Variants in CTNNA3 observed in about 807,000 individuals in gnomAD.
CTNNA3 encodes the protein catenin alpha 3.
A neutral mutation model predicts 95.7 loss-of-function variants in CTNNA3; 76 were observed. The ratio of observed to expected loss-of-function variants is 0.79; its 90% CI spans 0.66 to 0.96. The LOEUF (loss-of-function observed/expected upper bound fraction) is 0.96, where lower values mean the gene tolerates loss of function less well. Ranked by LOEUF, CTNNA3 falls within the 40% of genes least tolerant of loss-of-function variation. CTNNA3 has a pLI of 0.00. For synonymous variants in CTNNA3, 431 were observed against 374.4 expected, an observed-to-expected ratio of 1.15 and a Z score of -1.74; for missense variants, 1,191 against 1,089.8, an observed-to-expected ratio of 1.09 and a Z score of -1.31.
chr10:66,163,824 T>C (rs2084978983), intron 13 of CTNNA3, among the ~76,000 whole-genome samples: 1 of 152,324 alleles, frequency 6.6e-6, no homozygotes, highest in Admixed American at 6.5e-5. Context: ...TGTTTTCATA[T>C]GATCTATGGT....
intron 5 of CTNNA3, among the ~76,000 whole-genome samples, chr10:67,471,748 T>C (rs1278456350): frequency 1.3e-5 from 2 of 152,208 alleles, no homozygotes; most frequent in East Asian, 1.9e-4. Flanking sequence ...CATGTACATT[T>C]TGGCCTTAAT....
chr10:67,378,792 C>T, intron 5 of CTNNA3, among the ~76,000 whole-genome samples: 1 of 151,878 alleles, frequency 6.6e-6, no homozygotes, highest in Non-Finnish European at 1.5e-5. Flanking sequence ...GTATATATAC[C>T]ACATTTTTTA....
At chr10:67,053,715 AT>A (rs1467533572) in intron 7 of CTNNA3, among the ~76,000 whole-genome samples, 4 of 152,336 alleles carry the variant, frequency 2.6e-5, no homozygotes, top group African/African-American at 9.6e-5. Context: ...AAATGAAAAA[AT>A]AAATGGTGGT....
chr10:66,758,251 G>A (rs961787063), intron 9 of CTNNA3, among the ~76,000 whole-genome samples: 1 of 152,162 alleles, frequency 6.6e-6, no homozygotes, highest in Non-Finnish European at 1.5e-5. Flanking sequence ...TATAGATAAT[G>A]AAACTGAATT....
chr10:67,433,670 T>C (rs1000434538), intron 5 of CTNNA3, among the ~76,000 whole-genome samples: 2 of 152,050 alleles, frequency 1.3e-5, no homozygotes, highest in African/African-American at 4.8e-5. Context: ...TTAATATGTA[T>C]GAAAATATGT....
intron 7 of CTNNA3, among the ~76,000 whole-genome samples, chr10:67,101,414 A>AT (rs987394049): frequency 1.3e-5 from 2 of 150,460 alleles, no homozygotes; most frequent in African/African-American, 4.9e-5. Flanking sequence ...AAACCATGAA[A>AT]TTTTTTTTAC....
chr10:66,931,920 G>C (rs868646598), intron 7 of CTNNA3, among the ~76,000 whole-genome samples: 6 of 152,142 alleles, frequency 3.9e-5, no homozygotes, highest in African/African-American at 1.4e-4. Context: ...TTTTTCATCA[G>C]CAAGATACAT....
intron 17 of CTNNA3, among the ~76,000 whole-genome samples, chr10:65,956,694 G>C (rs2077738555): frequency 1.3e-5 from 2 of 152,144 alleles, no homozygotes; most frequent in African/African-American, 2.4e-5. Flanking sequence ...GTGGTTGAGT[G>C]GTTTTGAGTG....
At chr10:66,492,758 T>C (rs1362077822) in intron 11 of CTNNA3, among the ~76,000 whole-genome samples, 2 of 152,198 alleles carry the variant, frequency 1.3e-5, no homozygotes, top group Non-Finnish European at 2.9e-5. Context: ...AGGCTTGAAG[T>C]CATTTAAAGC....
chr10:66,899,859 G>A (rs1454296251), intron 7 of CTNNA3, among the ~76,000 whole-genome samples: 1 of 152,070 alleles, frequency 6.6e-6, no homozygotes, highest in Non-Finnish European at 1.5e-5. Context: ...AGCTCAAACT[G>A]AGCGGAGCCC....
intron 9 of CTNNA3, among the ~76,000 whole-genome samples, chr10:66,685,282 T>TGTGTGTATATATACGTATATAG (rs1847229309): frequency 1.9e-5 from 1 of 53,912 alleles, no homozygotes; most frequent in Non-Finnish European, 3.4e-5. Flanking sequence ...TACGTATATA[T>TGTGTGTATATATACGTATATAG]AAGTATATAT....
In CTNNA3 at chr10:66,597,551, TA is replaced by T. The variant is rs1336334065; in HGVS notation, c.1374+24140del. Among the ~76,000 whole-genome samples the T allele has an allele frequency of 9.8e-4, 125 of 127,620 alleles. 2 individuals are homozygous for T. In the East Asian group the frequency reaches 0.021, roughly 22 times the overall value. The allele number at this position is 127,620 out of a possible 152,430, so 83.7% of individuals were successfully genotyped here. A position where few individuals can be genotyped will look rare whatever the true frequency, so the allele number is the denominator to read the frequency against. On this transcript the variant is annotated intron_variant, in intron 10 of 17. Coordinates refer to ENST00000433211, the MANE Select transcript of CTNNA3 (RefSeq NM_013266.4). ...ATATATATATATATATATATATATA[TA>T]TATTTATTAAAAATTTTAAAAATAA... is the stretch of plus-strand genomic sequence containing the variant.
intron 10 of CTNNA3, among the ~76,000 whole-genome samples, chr10:66,523,823 C>A (rs939293380): frequency 6.6e-6 from 1 of 152,112 alleles, no homozygotes. Flanking sequence ...AAACACATTT[C>A]TTTCTCAAAT....
At chr10:65,969,076 C>T (rs764316758) in intron 16 of CTNNA3, among the ~76,000 whole-genome samples, 4 of 152,150 alleles carry the variant, frequency 2.6e-5, no homozygotes, top group Admixed American at 6.6e-5. Flanking sequence ...CGGTATTGGT[C>T]ATACACACCA....
chr10:66,935,491 A>G (rs1847645338), intron 7 of CTNNA3, among the ~76,000 whole-genome samples: 1 of 152,032 alleles, frequency 6.6e-6, no homozygotes, highest in South Asian at 2.1e-4. Flanking sequence ...TGGTTTGTGT[A>G]CTGGCACCAA....
At chr10:66,850,825 C>G (rs1054359360) in intron 7 of CTNNA3, among the ~76,000 whole-genome samples, 2 of 152,084 alleles carry the variant, frequency 1.3e-5, no homozygotes, top group Non-Finnish European at 2.9e-5. Flanking sequence ...GACCAAGTCT[C>G]TGAATCCAAC....
At chr10:67,194,411 G>A in intron 6 of CTNNA3, among the ~76,000 whole-genome samples, 1 of 151,962 alleles carries the variant, frequency 6.6e-6, no homozygotes, top group Non-Finnish European at 1.5e-5. Context: ...ACCACAAAAA[G>A]ACATAGAGGA....
intron 1 of CTNNA3, among the ~76,000 whole-genome samples, chr10:67,655,788 A>G (rs7096060): frequency 1.4e-5 from 2 of 138,512 alleles, no homozygotes; most frequent in African/African-American, 6.5e-5. Context: ...GTCTCAAAAA[A>G]AAAAAAAAAA....
chr10:65,945,731 T>C (rs2077506220), intron 17 of CTNNA3, among the ~76,000 whole-genome samples: 1 of 152,192 alleles, frequency 6.6e-6, no homozygotes, highest in Non-Finnish European at 1.5e-5. Context: ...AGCCTTAGTC[T>C]GTCATCTATA....
Sources: allele counts gnomAD v4.1 joint callset (sites outside exome capture counted in the v4.1 genomes callset), GRCh38; gene constraint gnomAD v4.1.1; transcripts MANE v1.5; gene names NCBI Gene and HGNC (gene_info 2026-07-23, HGNC 2026-07-21).